The following NPRL2 variants were observed in gnomAD, a reference collection of about 807,000 sequenced individuals.
NPRL2 encodes GATOR1 complex protein NPRL2.
Under a neutral mutation model 51.1 loss-of-function variants are expected in NPRL2, and 21 were observed. The observed-to-expected ratio is 0.41, with a 90% CI of 0.29 to 0.59. The LOEUF (loss-of-function observed/expected upper bound fraction) is 0.59, where lower values mean the gene tolerates loss of function less well. Among genes scored for constraint, NPRL2 ranks in the 20% least tolerant of loss-of-function variants. The pLI is 0.29. For missense variants in NPRL2, 376 were observed against 483.4 expected, an observed-to-expected ratio of 0.78 and a Z score of 2.08; for synonymous variants, 175 against 187.8, an observed-to-expected ratio of 0.93 and a Z score of 0.56.
rs1167716874 is a variant in NPRL2 at position 50,349,923 on chromosome 3, G to A, written c.170+8C>T. ...CCACCCACCGCTCACCCCGAGCTAG[G>A]GTCTCACACAGTGATAAGCTTGTTC... is the stretch of plus-strand genomic sequence containing the variant. On this transcript the variant is annotated splice_region_variant and intron_variant, in intron 2 of 10. Transcript: ENST00000232501. The surrounding 1 kb of genome is among the most constrained non-coding windows in gnomAD (Gnocchi z 4.6). 3 of 1,613,748 alleles carry A rather than the reference G, an allele frequency of 1.9e-6. No homozygotes were observed. The highest frequency in any genetic ancestry group is 1.7e-5 in the Admixed American group (1 of 59,978).
chr3:50,348,294 C>G lies in NPRL2; in HGVS notation c.814+23G>C, dbSNP rs771264773. ...TGTGGCCCTGCCCTCCCCAAGATGG[C>G]TTCCCCCAGAACCCACCACTACCTT... On this transcript the variant is annotated intron_variant, in intron 8 of 10. Coordinates refer to ENST00000232501, the MANE Select transcript of NPRL2 (RefSeq NM_006545.5). The surrounding 1 kb of genome is among the most constrained non-coding windows in gnomAD (Gnocchi z 5.8). 1.2e-6 allele frequency: 2 copies of G among 1,613,766 alleles called. No homozygotes were observed. Among genetic ancestry groups the G allele is most frequent in the South Asian group, 2.2e-5 (2 of 91,086 alleles).
chr3:50,347,464 G>A lies in NPRL2; in HGVS notation c.*142C>T. Reference sequence around the variant, plus strand: ...TTCACTGCTGGGTCTCCCACGGCTGGCCCAGAAACAGCACTCAATAAAGGC... The same window carrying A: ...TTCACTGCTGGGTCTCCCACGGCTGACCCAGAAACAGCACTCAATAAAGGC... On this transcript the variant is annotated 3_prime_UTR_variant, in exon 11 of 11. Coordinates refer to ENST00000232501, the MANE Select transcript of NPRL2 (RefSeq NM_006545.5). 2.0e-6 allele frequency: 2 copies of A among 1,024,796 alleles called. No individual in the cohort carries two copies. The highest frequency in any genetic ancestry group is 2.9e-5 in the South Asian group (2 of 69,430). 63.5% of individuals were successfully genotyped at this position (1,024,796 alleles called of 1,614,324 possible).
At position 50,348,408 on chromosome 3, in the gene NPRL2, G is replaced by A; in HGVS notation, c.723C>T (p.Tyr241=). The change falls in exon 8 of 11, where the codon TAC becomes TAT. Residue 241 remains tyrosine, a splice_region_variant and synonymous_variant. Coordinates refer to ENST00000232501, the MANE Select transcript of NPRL2 (RefSeq NM_006545.5). This position sits in a 1 kb window ranked among gnomAD's most constrained non-coding sequence, Gnocchi z 5.8. ...GVVTLVSILQ[Y]SNVYCPTPKV... Reference sequence around the variant, plus strand: ...TGGGCGTTGGGCAGTATACATTGGAGTACTAGAGGGTAGCAGAAGGCATAG... The same window carrying A: ...TGGGCGTTGGGCAGTATACATTGGAATACTAGAGGGTAGCAGAAGGCATAG... The A allele has an allele frequency of 1.2e-6, 2 of 1,613,874 alleles. No individual in the cohort carries two copies. Among genetic ancestry groups the A allele is most frequent in the Non-Finnish European group, 8.5e-7 (1 of 1,179,994 alleles).
rs1703718043 is a variant in NPRL2 at position 50,350,422 on chromosome 3, G to C, written c.78+153C>G. 2.6e-6 allele frequency: 2 copies of C among 761,538 alleles called. No individual in the cohort carries two copies. The highest frequency in any genetic ancestry group is 1.8e-5 in the South Asian group (1 of 55,276). 47.2% of individuals were successfully genotyped at this position (761,538 alleles called of 1,614,324 possible). A position where few individuals can be genotyped will look rare whatever the true frequency, so the allele number is the denominator to read the frequency against. On this transcript the variant is annotated intron_variant, in intron 1 of 10. Coordinates refer to ENST00000232501, the MANE Select transcript of NPRL2 (RefSeq NM_006545.5). This position sits in a 1 kb window ranked among gnomAD's most constrained non-coding sequence, Gnocchi z 5.7. ...GTCTTCCCTGCCACATTGGGAGCCGGGGGCCTGGGTCTGACTATCCTCTAG... is the reference window on the plus strand; with the variant it reads ...GTCTTCCCTGCCACATTGGGAGCCGCGGGCCTGGGTCTGACTATCCTCTAG...
Position 50,349,110 on chromosome 3 carries a change from C to A in NPRL2, c.449-100G>T. On this transcript the variant is annotated intron_variant, in intron 4 of 10. Coordinates refer to ENST00000232501, the MANE Select transcript of NPRL2 (RefSeq NM_006545.5). The surrounding 1 kb of genome is among the most constrained non-coding windows in gnomAD (Gnocchi z 4.6). ...CATCCCTTGGGGCAAGCAGGTGCCTCTGGGTAGGGCTAATCTTTCTCTTTT... is the reference window on the plus strand; with the variant it reads ...CATCCCTTGGGGCAAGCAGGTGCCTATGGGTAGGGCTAATCTTTCTCTTTT... 4 of 1,370,074 alleles carry A rather than the reference C, an allele frequency of 2.9e-6. No individual in the cohort carries two copies. The highest frequency in any genetic ancestry group is 1.4e-5 in the African/African-American group (1 of 69,006). The allele number at this position is 1,370,074 out of a possible 1,614,324, so 84.9% of individuals were successfully genotyped here.
Position 50,349,768 on chromosome 3 carries a change from T to C in NPRL2, c.236A>G (p.Asn79Ser). The C allele has an allele frequency of 6.2e-7, 1 of 1,613,948 alleles. No homozygotes were observed. Among genetic ancestry groups the C allele is most frequent in the South Asian group, 1.1e-5 (1 of 91,082 alleles). ...VCIEHKKYSR[N>S]ALLFNLGFVC... is the part of the protein sequence containing the mutation. ...GAAGCCCAGGTTGAAGAGGAGAGCA[T>C]TGCGGCTGTACTTCTTGTGTTCGAT... Residue 79 changes from asparagine to serine, a missense_variant, in exon 3 of 11, where the codon AAT becomes AGT. By Grantham distance (46) the Asn-to-Ser change is conservative (BLOSUM62 1). Coordinates refer to ENST00000232501, the MANE Select transcript of NPRL2 (RefSeq NM_006545.5). The surrounding 1 kb of genome is among the most constrained non-coding windows in gnomAD (Gnocchi z 4.6).
Position 50,349,874 on chromosome 3 carries a change from T to C in NPRL2, c.171-41A>G. The stretch of plus-strand genomic sequence containing the variant: ...ACAGTCAGGCCCCCAAGCCTGTCCC[T>C]TCCTCCTCCTGGGACAACCCCTGCC... On this transcript the variant is annotated intron_variant, in intron 2 of 10. Transcript: ENST00000232501. The surrounding 1 kb of genome is among the most constrained non-coding windows in gnomAD (Gnocchi z 4.6). 6.2e-7 allele frequency: 1 copy of C among 1,612,688 alleles called. No individual in the cohort carries two copies. Among genetic ancestry groups the C allele is most frequent in the Non-Finnish European group, 8.5e-7 (1 of 1,179,216 alleles).
At position 50,348,706 on chromosome 3, in the gene NPRL2, C is replaced by T. The variant is rs766714619; in HGVS notation, c.662G>A (p.Arg221His). 176 of 1,614,008 alleles carry T rather than the reference C, an allele frequency of 1.1e-4. 1 individual carries two copies. The Admixed American group carries it at 1.3e-3, about 12-fold the overall frequency. ...AEADVELNLV[R>H]IAIQNLLYYG... ...TCACAGCAGGTTCTGGATAGCAATG[C>T]GCACCAGGTTGAGCTCCACATCTGC... Residue 221 changes from arginine (R) to histidine (H), a missense_variant, in exon 6 of 11, where the codon CGC (arginine) becomes CAC (histidine). Coordinates refer to ENST00000232501, the MANE Select transcript of NPRL2 (RefSeq NM_006545.5). The surrounding 1 kb of genome is among the most constrained non-coding windows in gnomAD (Gnocchi z 5.8).
At position 50,347,685 on chromosome 3, in the gene NPRL2, G is replaced by T. The variant is rs760946194; in HGVS notation, c.1076-12C>A. The T allele has an allele frequency of 3.7e-6, 6 of 1,614,006 alleles. No homozygotes were observed. Among genetic ancestry groups the T allele is most frequent in the Non-Finnish European group, 5.1e-6 (6 of 1,180,026 alleles). On this transcript the variant is annotated splice_polypyrimidine_tract_variant and intron_variant, in intron 10 of 10. Transcript: ENST00000232501. ...ATGGTAGCTCATGCCTGGGTGGGGTGGTGGAGGAGAGGTCAGTGGCCTTGG... is the reference window on the plus strand; with the variant it reads ...ATGGTAGCTCATGCCTGGGTGGGGTTGTGGAGGAGAGGTCAGTGGCCTTGG...
chr3:50,349,742 C>G lies in NPRL2; in HGVS notation c.262G>C (p.Val88Leu). The G allele has an allele frequency of 6.2e-7, 1 of 1,613,976 alleles. No homozygotes were observed. Among genetic ancestry groups the G allele is most frequent in the Non-Finnish European group, 8.5e-7 (1 of 1,180,014 alleles). ...RNALLFNLGF[V>L]CDAQAKTCAL... ...CAGGTCTTGGCCTGGGCATCACACA[C>G]GAAGCCCAGGTTGAAGAGGAGAGCA... The change falls in exon 3 of 11, where the codon GTG (valine) becomes CTG (leucine). Residue 88 changes from valine (V) to leucine (L), a missense_variant. Transcript: ENST00000232501. This position sits in a 1 kb window ranked among gnomAD's most constrained non-coding sequence, Gnocchi z 4.6.
Position 50,350,706 on chromosome 3 carries a change from C to G in NPRL2, c.-54G>C. 1 of 1,557,256 alleles carries G rather than the reference C, an allele frequency of 6.4e-7. No individual in the cohort carries two copies. The highest frequency in any genetic ancestry group is 8.7e-7 in the Non-Finnish European group (1 of 1,151,942). On this transcript the variant is annotated 5_prime_UTR_variant, in exon 1 of 11. Transcript: ENST00000232501. The surrounding 1 kb of genome is among the most constrained non-coding windows in gnomAD (Gnocchi z 5.7). ...CCTCGTTCCTCGCGCAGAGGCGTCC[C>G]CACCTCCTGTGAACACTTGTCAGAG...
In NPRL2 at chr3:50,349,298, A is replaced by G; in HGVS notation, c.448+88T>C. Reference sequence around the variant, plus strand: ...CTATTTCCTGCCCACCAATGTGTTCATGAGTCTTGCCCTTCTCCCTGACTA... The same window carrying G: ...CTATTTCCTGCCCACCAATGTGTTCGTGAGTCTTGCCCTTCTCCCTGACTA... On this transcript the variant is annotated intron_variant, in intron 4 of 10. Transcript: ENST00000232501. This position sits in a 1 kb window ranked among gnomAD's most constrained non-coding sequence, Gnocchi z 4.6. 1.7e-6 allele frequency: 2 copies of G among 1,191,712 alleles called. No individual in the cohort carries two copies. The highest frequency in any genetic ancestry group is 1.3e-5 in the South Asian group (1 of 79,614). 73.8% of individuals were successfully genotyped at this position (1,191,712 alleles called of 1,614,324 possible). A position where few individuals can be genotyped will look rare whatever the true frequency, so the allele number is the denominator to read the frequency against.
Position 50,347,561 on chromosome 3 carries a change from G to A in NPRL2, c.*45C>T, listed in dbSNP as rs751997787. ...AGACAGTATGACAAGCCTCCTAGTA[G>A]GAGGGACTACCCACAGCAATGTGTC... On this transcript the variant is annotated 3_prime_UTR_variant, in exon 11 of 11. Coordinates refer to ENST00000232501, the MANE Select transcript of NPRL2 (RefSeq NM_006545.5). 1.2e-6 allele frequency: 2 copies of A among 1,610,390 alleles called. No individual in the cohort carries two copies. Among genetic ancestry groups the A allele is most frequent in the Admixed American group, 3.3e-5 (2 of 60,018 alleles).
At position 50,347,428 on chromosome 3, in the gene NPRL2, T is replaced by C; in HGVS notation, c.*178A>G. On this transcript the variant is annotated 3_prime_UTR_variant, in exon 11 of 11. Transcript: ENST00000232501. Reference sequence around the variant, plus strand: ...AGATGGCGATCTAGCCCACGGCTCGTGGCTATTTCATTCACTGCTGGGTCT... The same window carrying C: ...AGATGGCGATCTAGCCCACGGCTCGCGGCTATTTCATTCACTGCTGGGTCT... 1 of 535,272 alleles carries C rather than the reference T, an allele frequency of 1.9e-6. No individual in the cohort carries two copies. Among genetic ancestry groups the C allele is most frequent in the South Asian group, 2.0e-5 (1 of 50,340 alleles). The allele number at this position is 535,272 out of a possible 1,614,324, so 33.2% of individuals were successfully genotyped here. A position where few individuals can be genotyped will look rare whatever the true frequency, so the allele number is the denominator to read the frequency against.
rs758940779 is a variant in NPRL2 at position 50,349,691 on chromosome 3, G to A, written c.313C>T (p.Leu105=). 1.4e-5 allele frequency: 22 copies of A among 1,613,236 alleles called. 1 individual carries two copies. In the South Asian group the frequency reaches 2.4e-4, roughly 18 times the overall value. The part of the protein sequence containing the change: ...TCALEPIVKK[L]AGYLTTLELE... ...TCTAGTGTGGTCAGATAGCCAGCCAGCTTTTTAACAATGGGCTCGAGGGCG... is the reference window on the plus strand; with the variant it reads ...TCTAGTGTGGTCAGATAGCCAGCCAACTTTTTAACAATGGGCTCGAGGGCG... Residue 105 remains leucine, a synonymous_variant, in exon 3 of 11, where the codon CTG becomes TTG. Transcript: ENST00000232501. The surrounding 1 kb of genome is among the most constrained non-coding windows in gnomAD (Gnocchi z 4.6).
Position 50,349,856 on chromosome 3 carries a change from G to A in NPRL2, c.171-23C>T, listed in dbSNP as rs200424881. ...GTGCTGGATAATTGGAACACAGTCA[G>A]GCCCCCAAGCCTGTCCCTTCCTCCT... On this transcript the variant is annotated intron_variant, in intron 2 of 10. Transcript: ENST00000232501. The surrounding 1 kb of genome is among the most constrained non-coding windows in gnomAD (Gnocchi z 4.6). 250 of 1,612,112 alleles carry A rather than the reference G, an allele frequency of 1.6e-4. 2 individuals carry two copies. The Middle Eastern group carries it at 1.7e-3, about 11-fold the overall frequency.
chr3:50,350,525 C>G lies in NPRL2; in HGVS notation c.78+50G>C, dbSNP rs1161843914. The G allele has an allele frequency of 6.5e-7, 1 of 1,548,588 alleles. No individual in the cohort carries two copies. The highest frequency in any genetic ancestry group is 1.9e-5 in the Admixed American group (1 of 52,924). On this transcript the variant is annotated intron_variant, in intron 1 of 10. Coordinates refer to ENST00000232501, the MANE Select transcript of NPRL2 (RefSeq NM_006545.5). This position sits in a 1 kb window ranked among gnomAD's most constrained non-coding sequence, Gnocchi z 5.7. ...TACTGCCTTCAGGCAGCCAGTTGAGCTCTCGAGAACGTCCCTCTTCCCGCC... is the reference window on the plus strand; with the variant it reads ...TACTGCCTTCAGGCAGCCAGTTGAGGTCTCGAGAACGTCCCTCTTCCCGCC...
rs757596766 is a variant in NPRL2 at position 50,350,542 on chromosome 3, C to G, written c.78+33G>C. ...CAGTTGAGCTCTCGAGAACGTCCCT[C>G]TTCCCGCCCAGTCCCGCGAGCCCGG... is the stretch of plus-strand genomic sequence containing the variant. On this transcript the variant is annotated intron_variant, in intron 1 of 10. Transcript: ENST00000232501. This position sits in a 1 kb window ranked among gnomAD's most constrained non-coding sequence, Gnocchi z 5.7. The G allele has an allele frequency of 2.0e-5, 31 of 1,580,890 alleles. No homozygotes were observed. Among genetic ancestry groups the G allele is most frequent in the Non-Finnish European group, 2.7e-5 (31 of 1,162,444 alleles).
In NPRL2 at chr3:50,348,586, G is replaced by A. The variant is rs1247364906; in HGVS notation, c.684-23C>T. The A allele has an allele frequency of 2.5e-6, 4 of 1,614,120 alleles. No homozygotes were observed. Among genetic ancestry groups the A allele is most frequent in the Middle Eastern group, 3.3e-4 (2 of 6,062 alleles). Reference sequence around the variant, plus strand: ...TACCTGAGAGAGAGAGCTGTGCTCAGCTTCTGAGGACCATGCCTTCCCAAC... The same window carrying A: ...TACCTGAGAGAGAGAGCTGTGCTCAACTTCTGAGGACCATGCCTTCCCAAC... On this transcript the variant is annotated intron_variant, in intron 6 of 10. Coordinates refer to ENST00000232501, the MANE Select transcript of NPRL2 (RefSeq NM_006545.5). The surrounding 1 kb of genome is among the most constrained non-coding windows in gnomAD (Gnocchi z 5.8).
Sources: gnomAD v4.1 joint callset for allele counts on GRCh38, gnomAD v4.1.1 for gene constraint, Gnocchi (gnomAD v3.1) non-coding constraint, MANE v1.5 for transcripts, NCBI Gene and HGNC (gene_info 2026-07-23, HGNC 2026-07-21) for gene names.